The following STARD13 variants were observed in gnomAD, a reference collection of about 807,000 sequenced individuals.
The protein encoded by STARD13 is stAR-related lipid transfer protein 13.
STARD13 carries 62 observed loss-of-function variants against 106.4 expected under a neutral mutation model. That is an observed-to-expected ratio of 0.58 (90% CI 0.48 to 0.72). The LOEUF is 0.72. STARD13 is among the 30% of genes least tolerant of loss of function. STARD13 has a pLI of 0.00. For missense variants in STARD13, 1,387 were observed against 1,424.0 expected (o/e 0.97, Z 0.42); for synonymous variants, 565 against 553.0 (o/e 1.02, Z -0.31).
At chr13:33,335,793 G>A (rs556500861) in intron 1 of STARD13, among the ~76,000 whole-genome samples, 17 of 152,344 alleles carry the variant, frequency 1.1e-4, no homozygotes, top group African/African-American at 4.1e-4. Context: ...TCATCCCAGA[G>A]AGGACTGATG....
the STARD13 span, among the ~76,000 whole-genome samples, chr13:33,546,475 G>C: frequency 1.3e-5 from 2 of 152,134 alleles, no homozygotes; most frequent in African/African-American, 4.8e-5. Flanking sequence ...TTGAGTCTCT[G>C]TAGCCTTTAT....
At chr13:33,323,803 C>T (rs894276491) in intron 1 of STARD13, among the ~76,000 whole-genome samples, 5 of 152,134 alleles carry the variant, frequency 3.3e-5, no homozygotes, top group African/African-American at 9.7e-5. Context: ...AGGTAAGAAA[C>T]GCCAACTTGC....
intron 1 of STARD13, among the ~76,000 whole-genome samples, chr13:33,203,041 G>C (rs1366033098): frequency 1.3e-5 from 2 of 152,234 alleles, no homozygotes; most frequent in African/African-American, 4.8e-5. Context: ...AGTTTTCAAA[G>C]CATTTTCATG....
chr13:33,597,343 T>C, the STARD13 span, among the ~76,000 whole-genome samples: 2 of 152,170 alleles, frequency 1.3e-5, no homozygotes, highest in African/African-American at 4.8e-5. Context: ...TTGAGAAATG[T>C]CTATTCAAAT....
chr13:33,276,399 A>G lies in STARD13; in HGVS notation c.169+9071T>C, dbSNP rs568559570. 5.3e-5 allele frequency among the ~76,000 whole-genome samples: 8 copies of G among 152,352 alleles called. No individual in the cohort carries two copies. In the East Asian group the frequency reaches 1.5e-3, roughly 29 times the overall value. On this transcript the variant is annotated intron_variant, in intron 1 of 13. Transcript: ENST00000336934. ...CTGGAGAAGATTCTTTAATTTTCTC[A>G]AATAAGAACTCCGTCTATTTGAGTG...
At chr13:33,186,859 AC>A (rs760999209) in intron 1 of STARD13, among the ~76,000 whole-genome samples, 3 of 152,184 alleles carry the variant, frequency 2.0e-5, no homozygotes, top group Non-Finnish European at 2.9e-5. Context: ...CAATCCAGAC[AC>A]CACCAAACTA....
chr13:33,518,371 A>G, the STARD13 span, among the ~76,000 whole-genome samples: 1 of 152,096 alleles, frequency 6.6e-6, no homozygotes, highest in African/African-American at 2.4e-5. Context: ...AAGGACAGCA[A>G]TCTAATTTCA....
chr13:33,422,133 T>C, the STARD13 span, among the ~76,000 whole-genome samples: 1 of 152,062 alleles, frequency 6.6e-6, no homozygotes, highest in Non-Finnish European at 1.5e-5. Flanking sequence ...GGGTATTCAA[T>C]AAGAAAAAGA....
At chr13:33,637,403 A>G in the STARD13 span, among the ~76,000 whole-genome samples, 1 of 152,218 alleles carries the variant, frequency 6.6e-6, no homozygotes, top group Non-Finnish European at 1.5e-5. Context: ...CATACCCTCA[A>G]AGTGCTACCT....
downstream of STARD13, among the ~76,000 whole-genome samples, chr13:33,348,215 C>T (rs765049026): frequency 1.3e-5 from 2 of 152,196 alleles, no homozygotes; most frequent in Non-Finnish European, 2.9e-5. Context: ...AAAATAATTG[C>T]ACTACTCTTG....
intron 1 of STARD13, among the ~76,000 whole-genome samples, chr13:33,196,556 A>G (rs961899172): frequency 3.9e-5 from 6 of 152,178 alleles, no homozygotes; most frequent in Non-Finnish European, 8.8e-5. Flanking sequence ...TGACCCCAGC[A>G]ATCTTACCTC....
intron 10 of STARD13, among the ~76,000 whole-genome samples, 200 bp downstream of exon 10, chr13:33,111,578 T>A (rs1874575367): frequency 2.0e-5 from 3 of 152,230 alleles, no homozygotes; most frequent in Admixed American, 6.5e-5. Context: ...AGTATGGTAA[T>A]CCCAAGTGTC....
chr13:33,447,537 AC>A, the STARD13 span, among the ~76,000 whole-genome samples: 1 of 152,068 alleles, frequency 6.6e-6, no homozygotes. Flanking sequence ...ACTCTCATTA[AC>A]CCCAACTTAC....
chr13:33,596,759 C>T, the STARD13 span, among the ~76,000 whole-genome samples: 2 of 152,208 alleles, frequency 1.3e-5, no homozygotes, highest in African/African-American at 4.8e-5. Context: ...ACTTTTTAAG[C>T]TCCCACATAT....
the STARD13 span, among the ~76,000 whole-genome samples, chr13:33,363,345 C>A: frequency 6.6e-6 from 1 of 152,242 alleles, no homozygotes; most frequent in Admixed American, 6.5e-5. Context: ...CAAAACCCCT[C>A]TATCTAGTCT....
rs532166 is a variant in STARD13, at chr13:33,104,368, C to T, written c.*1225G>A. 0.39 allele frequency: 58,821 copies of T among 152,464 alleles called. 11,937 individuals carry two copies. The highest frequency in any genetic ancestry group is 0.46 in the Middle Eastern group (135 of 294). The allele number at this position is 152,464 out of a possible 1,614,324, so 9.4% of individuals were successfully genotyped here. ...AAGAAACACAGAAGAATTAATAAACCCGATTATACTATCTAAAACTAATCA... is the reference window on the plus strand; with the variant it reads ...AAGAAACACAGAAGAATTAATAAACTCGATTATACTATCTAAAACTAATCA... On this transcript the variant is annotated 3_prime_UTR_variant, in exon 14 of 14. Coordinates refer to ENST00000336934, the MANE Select transcript of STARD13 (RefSeq NM_178006.4).
chr13:33,630,517 T>A, the STARD13 span, among the ~76,000 whole-genome samples: 1 of 150,748 alleles, frequency 6.6e-6, no homozygotes, highest in African/African-American at 2.4e-5. Context: ...GTGCAGAGAT[T>A]CAACGTAGTC....
chr13:33,423,714 A>G, the STARD13 span, among the ~76,000 whole-genome samples: 1 of 152,256 alleles, frequency 6.6e-6, no homozygotes, highest in Non-Finnish European at 1.5e-5. Context: ...TCAAGGATAG[A>G]CCGGATTAAG....
intron 1 of STARD13, among the ~76,000 whole-genome samples, chr13:33,249,713 C>A (rs1890000585): frequency 6.6e-6 from 1 of 152,132 alleles, no homozygotes; most frequent in Non-Finnish European, 1.5e-5. Flanking sequence ...TGACAGTATC[C>A]TTTCCACTTC....
Sources: allele counts gnomAD v4.1 joint callset (sites outside exome capture counted in the v4.1 genomes callset), GRCh38; gene constraint gnomAD v4.1.1; transcripts MANE v1.5; gene names NCBI Gene and HGNC (gene_info 2026-07-23, HGNC 2026-07-21).